The following SUMF1 variants were observed in gnomAD, a reference collection of about 807,000 sequenced individuals.
SUMF1 encodes the protein sulfatase modifying factor 1.
Under a neutral mutation model 47.6 loss-of-function variants are expected in SUMF1, and 48 were observed. The ratio of observed to expected loss-of-function variants is 1.01; its 90% CI spans 0.80 to 1.28. The LOEUF (loss-of-function observed/expected upper bound fraction) is 1.28. Among genes scored for constraint, SUMF1 ranks in the 50% most tolerant of loss-of-function variants. The pLI is 0.00. For synonymous variants in SUMF1, 230 were observed against 192.1 expected (o/e 1.20, Z -1.63); for missense variants, 571 against 485.4 (o/e 1.18, Z -1.66).
chr3:4,047,908 T>C (rs921507904), intron 9 of SUMF1, among the ~76,000 whole-genome samples: 7 of 152,266 alleles, frequency 4.6e-5, no homozygotes, highest in Middle Eastern at 6.8e-3. Flanking sequence ...ATATCTTACA[T>C]GCTTTTATCA....
chr3:4,283,049 C>G (rs1697560316), intron 8 of SUMF1, among the ~76,000 whole-genome samples: 1 of 152,202 alleles, frequency 6.6e-6, no homozygotes, highest in Non-Finnish European at 1.5e-5. Flanking sequence ...GGAGCTCAGA[C>G]TGTGGACCTG....
intron 8 of SUMF1, among the ~76,000 whole-genome samples, chr3:4,201,487 A>G (rs1451204653): frequency 6.6e-6 from 1 of 152,000 alleles, no homozygotes; most frequent in African/African-American, 2.4e-5. Context: ...ATTCTTTTCT[A>G]TGGCTGAATA....
At chr3:4,116,184 G>C (rs1693419996) in intron 8 of SUMF1, among the ~76,000 whole-genome samples, 1 of 152,058 alleles carries the variant, frequency 6.6e-6, no homozygotes, top group Non-Finnish European at 1.5e-5. Context: ...CCTATACAAT[G>C]TCACACAGAA....
rs186314553 is a variant in SUMF1 at position 4,043,583 on chromosome 3, T to G, written c.1191+24986A>C. 1.2e-3 allele frequency among the ~76,000 whole-genome samples: 183 copies of G among 152,168 alleles called. 3 individuals are homozygous for G. Among genetic ancestry groups the G allele is most frequent in the Middle Eastern group, 3.4e-3 (1 of 294 alleles). ...ATTTACCATGGCTCTGGACTTGCCC[T>G]TTACCAGTTCTCTATTAATTTAAAA... On this transcript the variant is annotated intron_variant and NMD_transcript_variant, in intron 9 of 12. Transcript: ENST00000448413.
chr3:4,053,200 G>A (rs189595500), intron 9 of SUMF1, among the ~76,000 whole-genome samples: 2 of 152,258 alleles, frequency 1.3e-5, no homozygotes, highest in East Asian at 1.9e-4. Flanking sequence ...GGATCAAGGA[G>A]GGGTGGAGAG....
rs974184387 is a variant in SUMF1 at position 4,253,519 on chromosome 3, G to A, written c.1014+122811C>T. On this transcript the variant is annotated intron_variant and NMD_transcript_variant, in intron 8 of 12. Coordinates refer to the SUMF1 transcript ENST00000448413. Reference sequence around the variant, plus strand: ...GGGTGACGGACGCACCTGGAAAATCGGGTCACTCCCACCTGAATATTGCGC... The same window carrying A: ...GGGTGACGGACGCACCTGGAAAATCAGGTCACTCCCACCTGAATATTGCGC... 3.3e-5 allele frequency among the ~76,000 whole-genome samples: 5 copies of A among 151,830 alleles called. No homozygotes were observed. In the East Asian group the frequency reaches 5.8e-4, roughly 18 times the overall value.
chr3:4,041,459 T>C (rs910922672), intron 9 of SUMF1, among the ~76,000 whole-genome samples: 1 of 152,194 alleles, frequency 6.6e-6, no homozygotes, highest in South Asian at 2.1e-4. Context: ...TTGTAGACAA[T>C]ACCCTTCAGA....
intron 8 of SUMF1, among the ~76,000 whole-genome samples, chr3:4,350,244 A>C (rs1026281205): frequency 6.6e-6 from 1 of 151,912 alleles, no homozygotes; most frequent in African/African-American, 2.4e-5. Context: ...GGGTGTTTTC[A>C]AACTCCTGAC....
chr3:4,155,282 G>T (rs980011562), intron 8 of SUMF1, among the ~76,000 whole-genome samples: 1 of 151,384 alleles, frequency 6.6e-6, no homozygotes, highest in Non-Finnish European at 1.5e-5. Context: ...AGGTATGGTA[G>T]ATATTTGCTG....
chr3:4,063,245 T>C (rs1210568515), intron 9 of SUMF1, among the ~76,000 whole-genome samples: 1 of 152,066 alleles, frequency 6.6e-6, no homozygotes, highest in Non-Finnish European at 1.5e-5. Flanking sequence ...ACAGGAGCTA[T>C]CAGGCAGATT....
At chr3:4,268,421 C>T (rs1290850847) in intron 8 of SUMF1, among the ~76,000 whole-genome samples, 1 of 150,744 alleles carries the variant, frequency 6.6e-6, no homozygotes, top group Non-Finnish European at 1.5e-5. Context: ...TAGCCTAAAA[C>T]TTAAAGTATA....
At chr3:4,343,265 A>T (rs1699308907) in intron 8 of SUMF1, among the ~76,000 whole-genome samples, 1 of 152,224 alleles carries the variant, frequency 6.6e-6, no homozygotes, top group Non-Finnish European at 1.5e-5. Flanking sequence ...AAGCATTCTC[A>T]AACAAGCCGT....
At chr3:4,379,273 T>C (rs1014854114) in intron 7 of SUMF1, among the ~76,000 whole-genome samples, 2 of 152,216 alleles carry the variant, frequency 1.3e-5, no homozygotes, top group Non-Finnish European at 2.9e-5. Flanking sequence ...TGCAGACTTG[T>C]AATTTTTGTA....
intron 8 of SUMF1, among the ~76,000 whole-genome samples, chr3:4,176,174 G>A (rs1282125257): frequency 6.6e-6 from 1 of 152,056 alleles, no homozygotes; most frequent in Non-Finnish European, 1.5e-5. Flanking sequence ...TTCAAATTCA[G>A]GAAATACAGA....
At chr3:4,420,461 A>G (rs1701857778) in intron 3 of SUMF1, among the ~76,000 whole-genome samples, 1 of 150,100 alleles carries the variant, frequency 6.7e-6, no homozygotes, top group African/African-American at 2.5e-5. Context: ...AGGGGTTGCA[A>G]TCTTGGCTCA....
At chr3:4,341,996 G>T (rs1232755182) in intron 8 of SUMF1, among the ~76,000 whole-genome samples, 3 of 152,160 alleles carry the variant, frequency 2.0e-5, no homozygotes, top group African/African-American at 7.2e-5. Context: ...TTGATTATAA[G>T]GATCTTACAG....
rs186552174 is a variant in SUMF1, at chr3:4,047,643, G to C, written c.1191+20926C>G. 6.3e-3 allele frequency among the ~76,000 whole-genome samples: 952 copies of C among 152,224 alleles called. 15 individuals carry two copies. The highest frequency in any genetic ancestry group is 0.022 in the African/African-American group (919 of 41,520). ...GCTACACCATTCCAGCCATACTAAG[G>C]AGATGCACCTCATTAGGTACTAAAT... On this transcript the variant is annotated intron_variant and NMD_transcript_variant, in intron 9 of 12. Coordinates refer to the SUMF1 transcript ENST00000448413.
chr3:4,266,503 G>C (rs1387006018), intron 8 of SUMF1, among the ~76,000 whole-genome samples: 1 of 152,164 alleles, frequency 6.6e-6, no homozygotes, highest in East Asian at 1.9e-4. Context: ...TTGTGAATGG[G>C]AGTTCACTCA....
intron 8 of SUMF1, among the ~76,000 whole-genome samples, chr3:4,279,062 A>T (rs986185853): frequency 2.0e-5 from 3 of 151,930 alleles, no homozygotes; most frequent in Admixed American, 6.6e-5. Context: ...GGATTGGAAA[A>T]TTTTTTTTAA....
Sources: allele counts gnomAD v4.1 joint callset (sites outside exome capture counted in the v4.1 genomes callset), GRCh38; gene constraint gnomAD v4.1.1; transcripts MANE v1.5; gene names NCBI Gene and HGNC (gene_info 2026-07-23, HGNC 2026-07-21).